TAF3: variants seen among roughly 807,000 people sequenced by gnomAD.
TAF3 encodes the protein transcription initiation factor TFIID subunit 3.
In TAF3, 7 loss-of-function variants were observed where a neutral mutation model predicts 80.6. The ratio of observed to expected loss-of-function variants is 0.09; its 90% CI spans 0.05 to 0.16. The LOEUF is 0.16. TAF3 is among the 10% of genes least tolerant of loss of function. TAF3 has a pLI of 1.00. For missense variants in TAF3, 921 were observed against 1,140.2 expected, an observed-to-expected ratio of 0.81 and a Z score of 2.77; for synonymous variants, 444 against 446.1, an observed-to-expected ratio of 1.00 and a Z score of 0.06.
chr10:7,866,366 A>G (rs1837215055), intron 2 of TAF3, among the ~76,000 whole-genome samples: 1 of 152,216 alleles, frequency 6.6e-6, no homozygotes, highest in African/African-American at 2.4e-5. Flanking sequence ...GAATGAACGT[A>G]GGGGCCTGTG....
intron 2 of TAF3, among the ~76,000 whole-genome samples, chr10:7,882,873 A>G (rs890194515): frequency 1.3e-5 from 2 of 152,248 alleles, no homozygotes; most frequent in Admixed American, 6.5e-5. Flanking sequence ...AGATTCCCCA[A>G]ATGCTAACAC....
At chr10:7,958,899 C>T (rs1411455041) in intron 2 of TAF3, among the ~76,000 whole-genome samples, 2 of 152,150 alleles carry the variant, frequency 1.3e-5, no homozygotes, top group East Asian at 3.8e-4. Context: ...CTTTGGGAGG[C>T]TGAGGTGGGC....
At chr10:7,824,266 A>G in intron 1 of TAF3, 52 bp from the exon 2 acceptor site, 1 of 1,563,698 alleles carries the variant, frequency 6.4e-7, no homozygotes. Context: ...ATTTAAAAAT[A>G]TATTCGTGGG....
intron 4 of TAF3, among the ~76,000 whole-genome samples, chr10:7,986,331 C>T (rs1588577355): frequency 6.6e-6 from 1 of 152,096 alleles, no homozygotes; most frequent in East Asian, 1.9e-4. Flanking sequence ...CCAGCAGCAC[C>T]TCAAAAATAG....
chr10:7,922,745 C>T (rs940810421), intron 2 of TAF3, among the ~76,000 whole-genome samples: 1 of 151,920 alleles, frequency 6.6e-6, no homozygotes, highest in Admixed American at 6.6e-5. Context: ...CATACTGGAA[C>T]GTATAAAAGG....
intron 2 of TAF3, among the ~76,000 whole-genome samples, chr10:7,888,632 T>C (rs1157306977): frequency 1.3e-5 from 2 of 152,224 alleles, no homozygotes. Flanking sequence ...TTACAGGTTA[T>C]GTAAGTGCCC....
chr10:7,854,650 C>A (rs369796173), intron 2 of TAF3, among the ~76,000 whole-genome samples: 35 of 112,744 alleles, frequency 3.1e-4, no homozygotes, highest in Non-Finnish European at 5.7e-4. Context: ...GAAAAGAGCC[C>A]TCTAATGGGG....
rs118182217 is a variant in TAF3 at position 7,993,097 on chromosome 10, C to G, written c.2315+15774C>G. Among the ~76,000 whole-genome samples the G allele has an allele frequency of 1.2e-3, 178 of 152,240 alleles. 3 individuals are homozygous for G. In the East Asian group the frequency reaches 0.031, roughly 27 times the overall value. ...TCAAAAATATCTTCAACAGTTTAACCAGGATCCAAACCAGACTTATATCTC... is the reference window on the plus strand; with the variant it reads ...TCAAAAATATCTTCAACAGTTTAACGAGGATCCAAACCAGACTTATATCTC... On this transcript the variant is annotated intron_variant, in intron 4 of 6. Coordinates refer to ENST00000344293, the MANE Select transcript of TAF3 (RefSeq NM_031923.4).
At chr10:7,950,519 C>G (rs991623312) in intron 2 of TAF3, among the ~76,000 whole-genome samples, 2 of 152,172 alleles carry the variant, frequency 1.3e-5, no homozygotes, top group East Asian at 3.8e-4. Context: ...CATATTTATT[C>G]TTTTCATGAA....
At chr10:7,905,867 T>A (rs1280131705) in intron 2 of TAF3, among the ~76,000 whole-genome samples, 1 of 151,670 alleles carries the variant, frequency 6.6e-6, no homozygotes, top group Non-Finnish European at 1.5e-5. Context: ...TGGGTGATAG[T>A]GCAAGAATCT....
intron 2 of TAF3, among the ~76,000 whole-genome samples, chr10:7,830,415 C>G (rs892902608): frequency 1.4e-5 from 2 of 145,762 alleles, no homozygotes; most frequent in African/African-American, 5.1e-5. Flanking sequence ...AAATGCGTAT[C>G]CCTAGACACA....
At chr10:7,826,381 A>G (rs540836409) in intron 2 of TAF3, among the ~76,000 whole-genome samples, 2 of 152,376 alleles carry the variant, frequency 1.3e-5, no homozygotes, top group South Asian at 4.1e-4. Flanking sequence ...TAGCAAGGAA[A>G]TGTAACTAAG....
At chr10:7,827,109 C>G (rs909079343) in intron 2 of TAF3, among the ~76,000 whole-genome samples, 2 of 152,178 alleles carry the variant, frequency 1.3e-5, no homozygotes, top group African/African-American at 4.8e-5. Context: ...CCCTCCACAG[C>G]AGCTGGAGCT....
chr10:7,976,394 C>T (rs1164140969), intron 3 of TAF3, among the ~76,000 whole-genome samples: 2 of 151,580 alleles, frequency 1.3e-5, no homozygotes, highest in African/African-American at 4.8e-5. Context: ...CTACAGGCAC[C>T]CGCCACCATG....
intron 5 of TAF3, among the ~76,000 whole-genome samples, chr10:8,012,502 G>A (rs568620765): frequency 1.1e-4 from 17 of 152,348 alleles, no homozygotes; most frequent in African/African-American, 4.1e-4. Context: ...CAGAGTCACG[G>A]CCTTCTGACT....
At chr10:7,859,239 C>T (rs1015191730) in intron 2 of TAF3, among the ~76,000 whole-genome samples, 14 of 149,582 alleles carry the variant, frequency 9.4e-5, no homozygotes, top group African/African-American at 3.2e-4. Context: ...CCAGCCTGGG[C>T]GACAGAGTGA....
intron 2 of TAF3, among the ~76,000 whole-genome samples, chr10:7,859,430 C>A (rs1227405396): frequency 2.0e-5 from 3 of 152,158 alleles, no homozygotes; most frequent in Non-Finnish European, 2.9e-5. Context: ...TGACATGGGC[C>A]TTTTCTTCAG....
Position 7,915,842 on chromosome 10 carries a change from G to T in TAF3, c.410-48078G>T, listed in dbSNP as rs191985626. On this transcript the variant is annotated intron_variant, in intron 2 of 6. Coordinates refer to ENST00000344293, the MANE Select transcript of TAF3 (RefSeq NM_031923.4). ...AAAAATACAAAAATTAGCTGGATTT[G>T]GTGGTGGGCACCTGTAATCCAGCTA... Among the ~76,000 whole-genome samples, 5 of 151,808 alleles carry T rather than the reference G, an allele frequency of 3.3e-5. No individual in the cohort carries two copies. In the East Asian group the frequency reaches 9.7e-4, roughly 29 times the overall value.
chr10:7,849,244 G>A (rs1413308522), intron 2 of TAF3, among the ~76,000 whole-genome samples: 1 of 152,042 alleles, frequency 6.6e-6, no homozygotes, highest in Non-Finnish European at 1.5e-5. Flanking sequence ...TTAGAAACTG[G>A]TAGATCTAGG....
Sources: allele counts gnomAD v4.1 joint callset (sites outside exome capture counted in the v4.1 genomes callset), GRCh38; gene constraint gnomAD v4.1.1; transcripts MANE v1.5; gene names NCBI Gene and HGNC (gene_info 2026-07-23, HGNC 2026-07-21).